Variants in POU2F1 observed in about 807,000 individuals in gnomAD.
The protein encoded by POU2F1 is POU class 2 homeobox 1.
Under a neutral mutation model 84.9 loss-of-function variants are expected in POU2F1, and 16 were observed. The ratio of observed to expected loss-of-function variants is 0.19; its 90% CI spans 0.13 to 0.29. The LOEUF is 0.29. Ranked by LOEUF, POU2F1 falls within the 10% of genes least tolerant of loss-of-function variation. POU2F1 has a pLI of 1.00. For missense variants in POU2F1, 738 were observed against 942.6 expected, an observed-to-expected ratio of 0.78 and a Z score of 2.84; for synonymous variants, 368 against 368.3, an observed-to-expected ratio of 1.00 and a Z score of 0.01.
chr1:167,322,556 G>A (rs1656394351), intron 1 of POU2F1, among the ~76,000 whole-genome samples: 1 of 152,258 alleles, frequency 6.6e-6, no homozygotes, highest in Non-Finnish European at 1.5e-5. Context: ...GACAGGCATT[G>A]TACAGGGGTG....
At chr1:167,286,997 A>G (rs1246708943) in intron 1 of POU2F1, among the ~76,000 whole-genome samples, 1 of 152,078 alleles carries the variant, frequency 6.6e-6, no homozygotes, top group African/African-American at 2.4e-5. Flanking sequence ...TTCAAACCAC[A>G]CTCCAGAGCT....
intron 2 of POU2F1, among the ~76,000 whole-genome samples, chr1:167,339,654 C>G (rs549008371): frequency 1.3e-5 from 2 of 152,284 alleles, no homozygotes; most frequent in South Asian, 2.1e-4. Context: ...ACAGTACTTT[C>G]TAGTGTTATC....
chr1:167,389,602 A>C lies in POU2F1; in HGVS notation c.828A>C (p.Thr276=). The change falls in exon 9 of 16, where the codon ACA becomes ACC. Residue 276 remains threonine (T), a synonymous_variant. Coordinates refer to ENST00000367866, the MANE Select transcript of POU2F1 (RefSeq NM_002697.4). ...TTCTCCAACAGCCAGCAACCCCAAC[A>C]CGCACAATAGCAGCAACCCCAATTC... ...ITLTSQPATP[T]RTIAATPIQT... 6.2e-7 allele frequency: 1 copy of C among 1,614,150 alleles called. No individual in the cohort carries two copies. Among genetic ancestry groups the C allele is most frequent in the Non-Finnish European group, 8.5e-7 (1 of 1,180,018 alleles).
chr1:167,238,309 G>C (rs1029089159), intron 1 of POU2F1, among the ~76,000 whole-genome samples: 1 of 151,906 alleles, frequency 6.6e-6, no homozygotes, highest in African/African-American at 2.4e-5. Flanking sequence ...ATTTATTTCC[G>C]GTGGGGCCCA....
At chr1:167,288,853 T>C (rs1166125190) in intron 1 of POU2F1, among the ~76,000 whole-genome samples, 1 of 152,224 alleles carries the variant, frequency 6.6e-6, no homozygotes, top group Non-Finnish European at 1.5e-5. Context: ...GTTCTCAGAT[T>C]TCACAATCAT....
chr1:167,320,328 G>A (rs1306672133), intron 1 of POU2F1, among the ~76,000 whole-genome samples: 1 of 152,140 alleles, frequency 6.6e-6, no homozygotes, highest in African/African-American at 2.4e-5. Flanking sequence ...AGAATAAGAA[G>A]CTTTACCATT....
intron 1 of POU2F1, among the ~76,000 whole-genome samples, chr1:167,263,441 C>T (rs1269534757): frequency 1.3e-5 from 2 of 150,892 alleles, no homozygotes; most frequent in South Asian, 2.2e-4. Flanking sequence ...TGCTTGAACC[C>T]GGGAGGCAGA....
chr1:167,391,559 C>CTTTTTTTTTT, intron 9 of POU2F1, among the ~76,000 whole-genome samples: 1 of 57,876 alleles, frequency 1.7e-5, no homozygotes, highest in Non-Finnish European at 3.0e-5. Flanking sequence ...TTATATATAT[C>CTTTTTTTTTT]TTTTTTTTTT....
chr1:167,386,449 G>A (rs1373618543), intron 8 of POU2F1, among the ~76,000 whole-genome samples: 1 of 152,230 alleles, frequency 6.6e-6, no homozygotes, highest in Non-Finnish European at 1.5e-5. Flanking sequence ...GCCTCCCAAA[G>A]TGTTGAGATG....
chr1:167,251,915 G>A (rs1650760332), intron 1 of POU2F1, among the ~76,000 whole-genome samples: 1 of 150,486 alleles, frequency 6.6e-6, no homozygotes, highest in Non-Finnish European at 1.5e-5. Flanking sequence ...CACTATCTTG[G>A]CTCACTGCAA....
rs142988678 is a variant in POU2F1, at chr1:167,336,154, C to T, written c.127+3619C>T. Among the ~76,000 whole-genome samples, 37 of 152,210 alleles carry T rather than the reference C, an allele frequency of 2.4e-4. No individual in the cohort carries two copies. In the East Asian group the frequency reaches 6.0e-3, roughly 25 times the overall value. ...ATGTATCAGAACTTACGCACACACT[C>T]GATCACATACATGGCACCATTCACA... is the stretch of plus-strand genomic sequence containing the variant. On this transcript the variant is annotated intron_variant, in intron 2 of 15. Transcript: ENST00000367866.
chr1:167,249,454 G>C (rs1650567525), intron 1 of POU2F1, among the ~76,000 whole-genome samples: 1 of 152,184 alleles, frequency 6.6e-6, no homozygotes. Context: ...ACAGGTCAAG[G>C]TGTAGAAGTA....
chr1:167,241,090 CA>C (rs1296131627), intron 1 of POU2F1, among the ~76,000 whole-genome samples: 1 of 152,020 alleles, frequency 6.6e-6, no homozygotes, highest in Non-Finnish European at 1.5e-5. Flanking sequence ...TGCCGTGAGC[CA>C]AGATCGCACC....
At chr1:167,237,984 G>T (rs894594614) in intron 1 of POU2F1, among the ~76,000 whole-genome samples, 1 of 151,468 alleles carries the variant, frequency 6.6e-6, no homozygotes, top group Non-Finnish European at 1.5e-5. Context: ...GTTTCACTGT[G>T]TTGGCCAGGC....
rs538307082 is a variant in POU2F1 at position 167,279,704 on chromosome 1, C to T, written c.62-52766C>T. ...CTGCACTCCAGCCTGGGCCTCAGAG[C>T]GAGACTCCATCTCAAAAAAAACCAT... is the stretch of plus-strand genomic sequence containing the variant. On this transcript the variant is annotated intron_variant, in intron 1 of 15. Coordinates refer to ENST00000367866, the MANE Select transcript of POU2F1 (RefSeq NM_002697.4). Among the ~76,000 whole-genome samples, 5 of 150,982 alleles carry T rather than the reference C, an allele frequency of 3.3e-5. No individual in the cohort carries two copies. The South Asian group carries it at 6.3e-4, about 19-fold the overall frequency.
At chr1:167,364,557 A>T (rs1245907882) in intron 2 of POU2F1, among the ~76,000 whole-genome samples, 4 of 65,426 alleles carry the variant, frequency 6.1e-5, no homozygotes, top group African/African-American at 2.1e-4. Context: ...CTCTTGCATA[A>T]CATTTTTTTT....
At position 167,220,945 on chromosome 1, in the gene POU2F1, G is replaced by GGCAGCA; in HGVS notation, c.56_61dup (p.Ala19_Ala20dup). ...GTCAAGATGAGAGTTCAGCCGCGGC[G>GGCAGCA]GCAGCAGCAGCAGGTAATCATTACA... On this transcript the variant is annotated inframe_insertion, in exon 1 of 16. Coordinates refer to ENST00000367866, the MANE Select transcript of POU2F1 (RefSeq NM_002697.4). The GGCAGCA allele has an allele frequency of 6.5e-7, 1 of 1,535,326 alleles. No homozygotes were observed.
chr1:167,263,710 C>G (rs1309348847), intron 1 of POU2F1, among the ~76,000 whole-genome samples: 1 of 152,202 alleles, frequency 6.6e-6, no homozygotes, highest in Non-Finnish European at 1.5e-5. Flanking sequence ...CATACCCCAA[C>G]AGTCAAGGCC....
At chr1:167,263,021 G>A (rs1314948346) in intron 1 of POU2F1, among the ~76,000 whole-genome samples, 1 of 152,182 alleles carries the variant, frequency 6.6e-6, no homozygotes, top group Non-Finnish European at 1.5e-5. Flanking sequence ...TATGATCTGA[G>A]CCATACTTTT....
Sources: gnomAD v4.1 joint callset for allele counts (sites outside exome capture counted in the v4.1 genomes callset) on GRCh38, gnomAD v4.1.1 for gene constraint, MANE v1.5 for transcripts, NCBI Gene and HGNC (gene_info 2026-07-23, HGNC 2026-07-21) for gene names.